The following PRR14L variants were observed in gnomAD, a reference collection of about 807,000 sequenced individuals.
PRR14L encodes proline rich 14 like, also known as protein PRR14L.
PRR14L carries 80 observed loss-of-function variants against 155.0 expected under a neutral mutation model. That is an observed-to-expected ratio of 0.52 (90% CI 0.43 to 0.62). The LOEUF (loss-of-function observed/expected upper bound fraction) is 0.62, where lower values mean the gene tolerates loss of function less well. Ranked by LOEUF, PRR14L falls within the 20% of genes least tolerant of loss-of-function variation. The probability of loss-of-function intolerance (pLI) is 0.00; values close to 1 mark genes in which losing one functional copy is unlikely to be tolerated. For synonymous variants in PRR14L, 883 were observed against 916.0 expected, an observed-to-expected ratio of 0.96 and a Z score of 0.65; for missense variants, 2,469 against 2,548.0, an observed-to-expected ratio of 0.97 and a Z score of 0.67.
At chr22:31,740,255 T>C (rs2074805409) in intron 1 of PRR14L, among the ~76,000 whole-genome samples, 1 of 152,100 alleles carries the variant, frequency 6.6e-6, no homozygotes, top group East Asian at 1.9e-4. Context: ...AGTCTCACTC[T>C]GTCACCCAGG....
In PRR14L at chr22:31,716,294, CAAG is replaced by C; in HGVS notation, c.1542_1544del (p.Leu515del). 6.4e-7 allele frequency: 1 copy of C among 1,551,626 alleles called. No individual in the cohort carries two copies. The highest frequency in any genetic ancestry group is 1.2e-5 in the South Asian group (1 of 84,064). On this transcript the variant is annotated inframe_deletion, in exon 4 of 9. Coordinates refer to ENST00000327423, the MANE Select transcript of PRR14L (RefSeq NM_173566.3). ...TCTGTCCTGCCTCTTCAATCTGCAT[CAAG>C]GAGGAAAAACTGCTTTCTTCAGAGT...
rs1265077429 is a variant in PRR14L, at chr22:31,701,031, A to G, written c.6107+625T>C. On this transcript the variant is annotated intron_variant, in intron 7 of 8. Transcript: ENST00000327423. The stretch of plus-strand genomic sequence containing the variant: ...AGACGGAGTTTTGCTCTTGTTGCCT[A>G]GGCTGGAGTGCAATGGTGCGATCTC... 2.0e-5 allele frequency among the ~76,000 whole-genome samples: 3 copies of G among 150,284 alleles called. 1 individual carries two copies. The highest frequency in any genetic ancestry group is 4.4e-5 in the Non-Finnish European group (3 of 67,734).
chr22:31,740,873 G>A (rs1189248914), intron 1 of PRR14L, among the ~76,000 whole-genome samples: 1 of 152,146 alleles, frequency 6.6e-6, no homozygotes, highest in Non-Finnish European at 1.5e-5. Flanking sequence ...TGGGCGCAGT[G>A]GCTCACACCT....
intron 7 of PRR14L, among the ~76,000 whole-genome samples, chr22:31,694,278 C>T (rs1262747491): frequency 6.6e-6 from 1 of 151,780 alleles, no homozygotes; most frequent in East Asian, 2.0e-4. Flanking sequence ...CTGCGCCTGG[C>T]CAGCTGGTTT....
At chr22:31,725,758 T>C in intron 2 of PRR14L, 148 bp from the exon 3 acceptor site, 1 of 580,966 alleles carries the variant, frequency 1.7e-6, no homozygotes, top group Non-Finnish European at 3.0e-6. Context: ...AACATCCACC[T>C]CCAAGGTTCA....
chr22:31,726,166 G>T (rs1320711004), intron 2 of PRR14L, among the ~76,000 whole-genome samples: 1 of 151,796 alleles, frequency 6.6e-6, no homozygotes, highest in Non-Finnish European at 1.5e-5. Context: ...TTTAGAGGCA[G>T]AGGTTGCAGT....
At chr22:31,694,884 A>G (rs2074528309) in intron 7 of PRR14L, among the ~76,000 whole-genome samples, 1 of 152,046 alleles carries the variant, frequency 6.6e-6, no homozygotes, top group Non-Finnish European at 1.5e-5. Context: ...AGAGATTAAA[A>G]CCATCCTGGC....
At chr22:31,733,253 C>T (rs932209250) in intron 2 of PRR14L, among the ~76,000 whole-genome samples, 4 of 149,406 alleles carry the variant, frequency 2.7e-5, no homozygotes, top group African/African-American at 5.0e-5. Flanking sequence ...ATTTCGTACT[C>T]GCAAGTGCTG....
At position 31,717,212 on chromosome 22, in the gene PRR14L, C is replaced by T. The variant is rs1326759938; in HGVS notation, c.627G>A (p.Thr209=). The change falls in exon 4 of 9, where the codon ACG becomes ACA. Residue 209 remains threonine, a synonymous_variant. Coordinates refer to ENST00000327423, the MANE Select transcript of PRR14L (RefSeq NM_173566.3). ...VQGMKVNGTK[T]DNNEGHKNGN... Reference sequence around the variant, plus strand: ...CATTTTTGTGTCCTTCATTATTATCCGTCTTAGTCCCATTGACCTTCATAC... The same window carrying T: ...CATTTTTGTGTCCTTCATTATTATCTGTCTTAGTCCCATTGACCTTCATAC... 10 of 1,551,786 alleles carry T rather than the reference C, an allele frequency of 6.4e-6. No individual in the cohort carries two copies. The East Asian group carries it at 1.2e-4, about 19-fold the overall frequency.
Position 31,688,112 on chromosome 22 carries a change from C to G in PRR14L, c.6179+44G>C, listed in dbSNP as rs1401889326. On this transcript the variant is annotated intron_variant, in intron 8 of 8. Transcript: ENST00000327423. The stretch of plus-strand genomic sequence containing the variant: ...GAAAGGGCTGGAGATTCACATCAAT[C>G]ATTTCAAATTCTTCCCTTTTATTTC... The G allele has an allele frequency of 1.9e-6, 3 of 1,549,930 alleles. No homozygotes were observed. The South Asian group carries it at 3.5e-5, about 18-fold the overall frequency.
intron 7 of PRR14L, among the ~76,000 whole-genome samples, chr22:31,690,168 C>G (rs1040793867): frequency 6.6e-6 from 1 of 152,178 alleles, no homozygotes; most frequent in African/African-American, 2.4e-5. Flanking sequence ...TCACCCACCT[C>G]GGCCTCCCAA....
chr22:31,716,433 T>C lies in PRR14L; in HGVS notation c.1406A>G (p.Glu469Gly). The part of the protein sequence containing the change: ...LMPNSFTEAT[E>G]VMLNKNDLKI... ...CAAATCATTTTTATTTAACATTACT[T>C]CTGTGGCTTCAGTAAAAGAATTGGG... Residue 469 changes from glutamate (E) to glycine (G), a missense_variant, in exon 4 of 9, where the codon GAA becomes GGA. This residue lies in a region of PRR14L where 2,363 missense variants were observed against 2,371.6 expected (regional missense o/e 1.00). Coordinates refer to ENST00000327423, the MANE Select transcript of PRR14L (RefSeq NM_173566.3). 6.4e-7 allele frequency: 1 copy of C among 1,551,398 alleles called. No homozygotes were observed. Among genetic ancestry groups the C allele is most frequent in the Non-Finnish European group, 8.7e-7 (1 of 1,146,790 alleles).
At chr22:31,691,122 C>T (rs926822731) in intron 7 of PRR14L, among the ~76,000 whole-genome samples, 1 of 151,592 alleles carries the variant, frequency 6.6e-6, no homozygotes, top group Non-Finnish European at 1.5e-5. Flanking sequence ...TACCACCACG[C>T]GCGGCTAATT....
rs113376521 is a variant in PRR14L, at chr22:31,688,901, T to G, written c.6108-674A>C. On this transcript the variant is annotated intron_variant, in intron 7 of 8. Transcript: ENST00000327423. ...CCCTGTCTCTTAAAAAATATATACA[T>G]ACACACACACACACACACACACACA... 4.9e-3 allele frequency among the ~76,000 whole-genome samples: 723 copies of G among 147,872 alleles called. 16 individuals are homozygous for G. The East Asian group carries it at 0.053, about 11-fold the overall frequency.
intron 4 of PRR14L, among the ~76,000 whole-genome samples, chr22:31,709,776 G>C (rs898357873): frequency 1.3e-5 from 2 of 150,856 alleles, no homozygotes; most frequent in African/African-American, 4.9e-5. Context: ...CCTGACCTCA[G>C]GTGATCTGCC....
At chr22:31,721,219 C>T (rs1266397727) in intron 3 of PRR14L, among the ~76,000 whole-genome samples, 3 of 152,236 alleles carry the variant, frequency 2.0e-5, no homozygotes, top group Non-Finnish European at 4.4e-5. Context: ...CCCACCACTG[C>T]TCCCCCAGGT....
chr22:31,730,249 C>T (rs1029973366), intron 2 of PRR14L, among the ~76,000 whole-genome samples: 2 of 152,004 alleles, frequency 1.3e-5, no homozygotes, highest in African/African-American at 4.8e-5. Flanking sequence ...ACCAGCCTGG[C>T]CAGCATGGTG....
chr22:31,729,917 T>C (rs1407326465), intron 2 of PRR14L, among the ~76,000 whole-genome samples: 1 of 152,040 alleles, frequency 6.6e-6, no homozygotes, highest in Non-Finnish European at 1.5e-5. Context: ...TTCACGCCTG[T>C]AATCCCAGCA....
intron 1 of PRR14L, among the ~76,000 whole-genome samples, chr22:31,747,675 C>T (rs2147880647): frequency 6.6e-6 from 1 of 151,870 alleles, no homozygotes; most frequent in East Asian, 1.9e-4. Flanking sequence ...TGGTATAGAG[C>T]TCCCACTAAT....
Sources: allele counts gnomAD v4.1 joint callset (sites outside exome capture counted in the v4.1 genomes callset), GRCh38; gene constraint gnomAD v4.1.1; regional missense constraint gnomAD v4.1.1; transcripts MANE v1.5; gene names NCBI Gene and HGNC (gene_info 2026-07-23, HGNC 2026-07-21).